The following TMEFF2 variants were observed in gnomAD, a reference collection of about 807,000 sequenced individuals.
The protein encoded by TMEFF2 is transmembrane protein with EGF like and two follistatin like domains 2.
TMEFF2 carries 28 observed loss-of-function variants against 53.8 expected under a neutral mutation model. The observed-to-expected ratio is 0.52, with a 90% confidence interval of 0.39 to 0.71. The LOEUF is 0.71. TMEFF2 is among the 30% of genes least tolerant of loss of function. TMEFF2 has a pLI of 0.00. For synonymous variants in TMEFF2, 162 were observed against 166.3 expected (o/e 0.97, Z 0.20); for missense variants, 353 against 455.2 (o/e 0.78, Z 2.04).
intron 8 of TMEFF2, 58 bp downstream of exon 8, chr2:191,956,197 A>G: frequency 2.6e-6 from 4 of 1,511,692 alleles, no homozygotes; most frequent in South Asian, 1.3e-5. Flanking sequence ...AACATCTACA[A>G]TTTAGTTTCT....
intron 4 of TMEFF2, among the ~76,000 whole-genome samples, chr2:192,081,799 C>CT (rs1688559556): frequency 7.0e-6 from 1 of 142,222 alleles, no homozygotes; most frequent in African/African-American, 2.8e-5. Flanking sequence ...AAACGATTTC[C>CT]CTTTTTTTTT....
chr2:192,050,859 A>G (rs1487988692), intron 5 of TMEFF2, among the ~76,000 whole-genome samples: 1 of 152,230 alleles, frequency 6.6e-6, no homozygotes, highest in Non-Finnish European at 1.5e-5. Flanking sequence ...CAACTTTCAG[A>G]TTTGGACACA....
intron 7 of TMEFF2, among the ~76,000 whole-genome samples, chr2:191,961,393 T>C (rs567206491): frequency 8.7e-4 from 132 of 152,296 alleles, no homozygotes; most frequent in Non-Finnish European, 1.4e-3. Flanking sequence ...ACAAAAATTT[T>C]CAGTTTTGAA....
At chr2:192,024,770 T>A (rs1686931695) in intron 5 of TMEFF2, among the ~76,000 whole-genome samples, 1 of 152,242 alleles carries the variant, frequency 6.6e-6, no homozygotes, top group Non-Finnish European at 1.5e-5. Flanking sequence ...AAAAACATTT[T>A]AAATTAAGCA....
intron 2 of TMEFF2, among the ~76,000 whole-genome samples, chr2:192,187,644 G>T (rs1691347265): frequency 6.6e-6 from 1 of 152,172 alleles, no homozygotes; most frequent in Non-Finnish European, 1.5e-5. Context: ...CAGATGGTTA[G>T]GTCCATAAAC....
At chr2:192,105,970 T>C (rs553168116) in intron 4 of TMEFF2, among the ~76,000 whole-genome samples, 1 of 151,988 alleles carries the variant, frequency 6.6e-6, no homozygotes, top group South Asian at 2.1e-4. Context: ...GAAGGGCATG[T>C]TATTAGTGAA....
intron 4 of TMEFF2, among the ~76,000 whole-genome samples, chr2:192,108,582 G>A (rs1373300746): frequency 6.6e-6 from 1 of 151,804 alleles, no homozygotes; most frequent in Non-Finnish European, 1.5e-5. Flanking sequence ...ACAATGAGAG[G>A]AACCCTGTAT....
At chr2:191,951,074 T>C (rs1188776495) in intron 9 of TMEFF2, among the ~76,000 whole-genome samples, 1 of 78,806 alleles carries the variant, frequency 1.3e-5, no homozygotes, top group African/African-American at 5.0e-5. Flanking sequence ...AATTCTATTA[T>C]AATAATCTGT....
chr2:192,136,158 ACTC>A (rs1378903276), intron 4 of TMEFF2, among the ~76,000 whole-genome samples: 2 of 152,202 alleles, frequency 1.3e-5, no homozygotes, highest in African/African-American at 2.4e-5. Flanking sequence ...TACTAATTAA[ACTC>A]AGTATTTCAT....
Position 192,133,031 on chromosome 2 carries a change from G to C in TMEFF2, c.439+46637C>G, listed in dbSNP as rs560780515. ...CACATTACCTTCTTTTCAAGGGCCT[G>C]TTGCCCTTGCCTCCGTAACTGTTGT... On this transcript the variant is annotated intron_variant, in intron 4 of 9. Transcript: ENST00000272771. 1.2e-4 allele frequency among the ~76,000 whole-genome samples: 18 copies of C among 152,132 alleles called. No homozygotes were observed. In the South Asian group the frequency reaches 2.5e-3, roughly 21 times the overall value.
At chr2:192,169,653 G>C (rs1310062464) in intron 4 of TMEFF2, among the ~76,000 whole-genome samples, 1 of 152,092 alleles carries the variant, frequency 6.6e-6, no homozygotes, top group Non-Finnish European at 1.5e-5. Context: ...CTGTTAGGAG[G>C]CTTTTTTCCA....
rs953856481 is a variant in TMEFF2 at position 191,949,511 on chromosome 2, T to C, written c.*800A>G. 1.0e-6 allele frequency: 1 copy of C among 985,446 alleles called. No homozygotes were observed. Among genetic ancestry groups the C allele is most frequent in the Non-Finnish European group, 1.2e-6 (1 of 829,922 alleles). 61.0% of individuals were successfully genotyped at this position (985,446 alleles called of 1,614,324 possible). A position where few individuals can be genotyped will look rare whatever the true frequency, so the allele number is the denominator to read the frequency against. ...TAGTGGTGTTATTACATTTTTCCCC[T>C]GGTAATTCCACCCACCTAAATGGAA... On this transcript the variant is annotated 3_prime_UTR_variant, in exon 10 of 10. Coordinates refer to ENST00000272771, the MANE Select transcript of TMEFF2 (RefSeq NM_016192.4).
chr2:192,066,699 T>G (rs1303798946), intron 4 of TMEFF2, among the ~76,000 whole-genome samples: 3 of 151,700 alleles, frequency 2.0e-5, no homozygotes, highest in Non-Finnish European at 4.4e-5. Flanking sequence ...AAGTTCATTT[T>G]AAAAAGGAGA....
intron 7 of TMEFF2, among the ~76,000 whole-genome samples, chr2:191,996,916 G>A (rs1686236008): frequency 6.6e-6 from 1 of 151,888 alleles, no homozygotes; most frequent in Admixed American, 6.6e-5. Flanking sequence ...TGTGGGTTCA[G>A]TAAGCTATAG....
intron 4 of TMEFF2, among the ~76,000 whole-genome samples, chr2:192,100,483 T>C (rs1021119034): frequency 1.3e-5 from 2 of 152,164 alleles, no homozygotes; most frequent in South Asian, 2.1e-4. Flanking sequence ...GCTGTTTGGG[T>C]AGAATGACTA....
chr2:192,021,378 T>C (rs1294523753), intron 5 of TMEFF2, among the ~76,000 whole-genome samples: 1 of 151,798 alleles, frequency 6.6e-6, no homozygotes, highest in African/African-American at 2.4e-5. Context: ...TTTGAAAAAG[T>C]AAGAAAAATG....
chr2:192,151,265 A>G lies in TMEFF2; in HGVS notation c.439+28403T>C, dbSNP rs181021789. Among the ~76,000 whole-genome samples the G allele has an allele frequency of 3.9e-3, 588 of 151,968 alleles. 5 individuals carry two copies. Among genetic ancestry groups the G allele is most frequent in the African/African-American group, 0.014 (563 of 41,494 alleles). ...TACCCTGTCTCAAGTATGTCTTTAT[A>G]GCAGTGTGAAAACAAACTAATACAC... On this transcript the variant is annotated intron_variant, in intron 4 of 9. Coordinates refer to ENST00000272771, the MANE Select transcript of TMEFF2 (RefSeq NM_016192.4).
chr2:192,149,647 A>G (rs1268856078), intron 4 of TMEFF2, among the ~76,000 whole-genome samples: 1 of 151,986 alleles, frequency 6.6e-6, no homozygotes, highest in African/African-American at 2.4e-5. Flanking sequence ...CACTTACACT[A>G]TGCACATGAG....
intron 5 of TMEFF2, among the ~76,000 whole-genome samples, chr2:192,020,997 A>G (rs1176331830): frequency 6.6e-6 from 1 of 152,152 alleles, no homozygotes; most frequent in Admixed American, 6.5e-5. Flanking sequence ...ATACTCAACA[A>G]CACTTTATCT....
Sources: allele counts gnomAD v4.1 joint callset (sites outside exome capture counted in the v4.1 genomes callset), GRCh38; gene constraint gnomAD v4.1.1; transcripts MANE v1.5; gene names NCBI Gene and HGNC (gene_info 2026-07-23, HGNC 2026-07-21).